Variants in HSF5 observed in about 807,000 individuals in gnomAD.
The protein encoded by HSF5 is heat shock factor protein 5.
In HSF5, 5 loss-of-function variants were observed where a neutral mutation model predicts 50.8. The ratio of observed to expected loss-of-function variants is 0.10; its 90% CI spans 0.05 to 0.21. The LOEUF is 0.21. Among genes scored for constraint, HSF5 ranks in the 10% least tolerant of loss-of-function variants. HSF5 has a pLI of 1.00. For synonymous variants in HSF5, 307 were observed against 307.4 expected (o/e 1.00, Z 0.02); for missense variants, 564 against 762.6 (o/e 0.74, Z 3.07).
At chr17:58,485,700 T>C (rs1481827562) in intron 1 of HSF5, among the ~76,000 whole-genome samples, 2 of 147,304 alleles carry the variant, frequency 1.4e-5, no homozygotes, top group Non-Finnish European at 3.0e-5. Flanking sequence ...TGAGCCAAGA[T>C]CTTGCCACTG....
At position 58,439,447 on chromosome 17, in the gene HSF5, C is replaced by G. The variant is rs117134082; in HGVS notation, c.1721-17017G>C. On this transcript the variant is annotated intron_variant, in intron 5 of 5. Transcript: ENST00000323777. ...AACAGCAAGTTCCCCCAAAAAGGAA[C>G]AATTATAGAATAGAATAAAAAAGAG... Among the ~76,000 whole-genome samples the G allele has an allele frequency of 3.4e-4, 52 of 151,222 alleles. 4 individuals carry two copies. The East Asian group carries it at 9.9e-3, about 29-fold the overall frequency.
At chr17:58,435,584 C>T (rs1974417446) in intron 5 of HSF5, among the ~76,000 whole-genome samples, 1 of 150,508 alleles carries the variant, frequency 6.6e-6, no homozygotes, top group African/African-American at 2.4e-5. Context: ...AGAGACTAGC[C>T]ATCTGAAAAG....
At chr17:58,454,075 AGAGT>A (rs1288947667) in intron 5 of HSF5, among the ~76,000 whole-genome samples, 1 of 152,122 alleles carries the variant, frequency 6.6e-6, no homozygotes, top group Admixed American at 6.5e-5. Context: ...GCCTGGTGAC[AGAGT>A]GAGACTCTGT....
At chr17:58,476,888 T>G (rs1224457744) in intron 2 of HSF5, 4 of 1,158,062 alleles carry the variant, frequency 3.5e-6, no homozygotes, top group Non-Finnish European at 5.1e-6. Flanking sequence ...TCCTGAGGTC[T>G]CGTCGGCCCT....
intron 5 of HSF5, among the ~76,000 whole-genome samples, chr17:58,430,220 C>T (rs1428602176): frequency 6.6e-6 from 1 of 152,018 alleles, no homozygotes; most frequent in Non-Finnish European, 1.5e-5. Flanking sequence ...ATTACAGGCA[C>T]CCACCACCAC....
intron 5 of HSF5, among the ~76,000 whole-genome samples, chr17:58,453,367 G>T (rs1297145552): frequency 1.3e-5 from 2 of 152,176 alleles, no homozygotes; most frequent in Non-Finnish European, 2.9e-5. Context: ...GCTAAGGCAG[G>T]CAGATCACTT....
chr17:58,476,848 G>T (rs180838480), intron 2 of HSF5: 3 of 1,440,364 alleles, frequency 2.1e-6, no homozygotes, highest in East Asian at 4.6e-5. Context: ...TTTCATCAAT[G>T]TGTTCAATTG....
At chr17:58,450,934 C>G (rs1427956240) in intron 5 of HSF5, among the ~76,000 whole-genome samples, 1 of 146,206 alleles carries the variant, frequency 6.8e-6, no homozygotes, top group Admixed American at 6.9e-5. Context: ...ACTAAAAATA[C>G]AAAAATTAGC....
At chr17:58,474,781 A>G (rs1320189391) in intron 2 of HSF5, among the ~76,000 whole-genome samples, 1 of 152,172 alleles carries the variant, frequency 6.6e-6, no homozygotes, top group Non-Finnish European at 1.5e-5. Context: ...CAGTGGCACA[A>G]TCATGGCTTA....
intron 4 of HSF5, among the ~76,000 whole-genome samples, chr17:58,462,021 C>T (rs1402382012): frequency 1.3e-5 from 2 of 152,176 alleles, no homozygotes; most frequent in East Asian, 1.9e-4. Flanking sequence ...TTCTCATCTC[C>T]GTTCCCCCTC....
chr17:58,443,849 C>T (rs745310289), intron 5 of HSF5, among the ~76,000 whole-genome samples: 2 of 152,150 alleles, frequency 1.3e-5, no homozygotes, highest in Non-Finnish European at 2.9e-5. Flanking sequence ...CATGTGGTTA[C>T]GTCTGGGGAA....
intron 1 of HSF5, among the ~76,000 whole-genome samples, chr17:58,482,614 G>A (rs1393293900): frequency 6.9e-6 from 1 of 144,120 alleles, no homozygotes; most frequent in Non-Finnish European, 1.5e-5. Context: ...GGAGGCTGAG[G>A]AAGGAGAATA....
Position 58,422,262 on chromosome 17 carries a change from C to G in HSF5, c.*98G>C. On this transcript the variant is annotated 3_prime_UTR_variant, in exon 6 of 6. Coordinates refer to ENST00000323777, the MANE Select transcript of HSF5 (RefSeq NM_001080439.3). ...ACGAAACAAAAAATACTTTTTTTTC[C>G]TTAACAGAACTGAAAAAATCCCAAC... 1 of 869,602 alleles carries G rather than the reference C, an allele frequency of 1.1e-6. No individual in the cohort carries two copies. Among genetic ancestry groups the G allele is most frequent in the Non-Finnish European group, 1.8e-6 (1 of 547,936 alleles). 53.9% of individuals were successfully genotyped at this position (869,602 alleles called of 1,614,324 possible).
intron 2 of HSF5, among the ~76,000 whole-genome samples, chr17:58,467,389 A>G (rs1271260533): frequency 6.6e-6 from 1 of 152,230 alleles, no homozygotes. Context: ...GAGTAAAATA[A>G]CTATGAAGTA....
chr17:58,480,762 G>T lies in HSF5; in HGVS notation c.551-495C>A, dbSNP rs1427893836. The stretch of plus-strand genomic sequence containing the variant: ...GATAAAAAAAAAAGTAACGCTCTTT[G>T]CTATCTATCTATCTATCTATCTATC... On this transcript the variant is annotated intron_variant, in intron 1 of 5. Coordinates refer to ENST00000323777, the MANE Select transcript of HSF5 (RefSeq NM_001080439.3). Among the ~76,000 whole-genome samples, 6 of 146,486 alleles carry T rather than the reference G, an allele frequency of 4.1e-5. No homozygotes were observed. In the East Asian group the frequency reaches 1.0e-3, roughly 25 times the overall value.
At chr17:58,471,419 T>C (rs552900035) in intron 2 of HSF5, among the ~76,000 whole-genome samples, 2 of 152,280 alleles carry the variant, frequency 1.3e-5, no homozygotes, top group East Asian at 1.9e-4. Flanking sequence ...CTATATTCTA[T>C]ATTTATGTAC....
At chr17:58,480,702 A>C (rs1245559368) in intron 1 of HSF5, among the ~76,000 whole-genome samples, 1 of 152,172 alleles carries the variant, frequency 6.6e-6, no homozygotes, top group East Asian at 1.9e-4. Context: ...CTCTCCACCA[A>C]AAAATAAAAG....
rs550989883 is a variant in HSF5 at position 58,475,904 on chromosome 17, C to A, written c.925+3989G>T. On this transcript the variant is annotated intron_variant, in intron 2 of 5. Transcript: ENST00000323777. ...GACAAGAAGGGATAAAAATGAATTT[C>A]GAACAGAAAGGGGTAGAGACTCTTT... 2.6e-5 allele frequency among the ~76,000 whole-genome samples: 4 copies of A among 152,178 alleles called. No individual in the cohort carries two copies. In the South Asian group the frequency reaches 8.3e-4, roughly 32 times the overall value.
intron 5 of HSF5, among the ~76,000 whole-genome samples, 197 bp from the exon 6 acceptor site, chr17:58,422,627 G>C (rs1352461049): frequency 1.3e-5 from 2 of 151,270 alleles, no homozygotes; most frequent in Non-Finnish European, 2.9e-5. Context: ...GTAACCCAAA[G>C]AGACCAACAA....
Sources: allele counts gnomAD v4.1 joint callset (sites outside exome capture counted in the v4.1 genomes callset), GRCh38; gene constraint gnomAD v4.1.1; transcripts MANE v1.5; gene names NCBI Gene and HGNC (gene_info 2026-07-23, HGNC 2026-07-21).